The following PTTG1IP variants were observed in gnomAD, a reference collection of about 807,000 sequenced individuals.
The protein encoded by PTTG1IP is PTTG1 interacting protein.
Under a neutral mutation model 24.4 loss-of-function variants are expected in PTTG1IP, and 16 were observed. That is an observed-to-expected ratio of 0.66 (90% CI 0.44 to 1.00). The LOEUF is 1.00. Among genes scored for constraint, PTTG1IP ranks in the 50% least tolerant of loss-of-function variants. The pLI, the probability that PTTG1IP is intolerant of heterozygous loss-of-function variation, is 0.00. For missense variants in PTTG1IP, 241 were observed against 245.8 expected (o/e 0.98, Z 0.13); for synonymous variants, 89 against 96.8 (o/e 0.92, Z 0.47).
At chr21:44,855,132 A>C (rs235317) in intron 5 of PTTG1IP, 78 bp downstream of exon 5, 472,825 of 1,443,786 alleles carry the variant, frequency 0.33, 84,493 homozygotes, top group African/African-American at 0.68. Context: ...ATCTCAGGCC[A>C]CACTGGCACT....
At chr21:44,863,464 G>A (rs2083510530) in intron 2 of PTTG1IP, among the ~76,000 whole-genome samples, 1 of 152,228 alleles carries the variant, frequency 6.6e-6, no homozygotes, top group African/African-American at 2.4e-5. Flanking sequence ...TCACCGCCCT[G>A]TCTGGGTTCA....
chr21:44,861,584 C>G (rs1267422140), intron 2 of PTTG1IP: 13 of 637,224 alleles, frequency 2.0e-5, no homozygotes, highest in Non-Finnish European at 3.1e-5. Flanking sequence ...GCCAACCCCA[C>G]CTCATGCTCT....
Position 44,863,172 on chromosome 21 carries a change from G to A in PTTG1IP, c.169-1901C>T, listed in dbSNP as rs868019282. On this transcript the variant is annotated intron_variant, in intron 2 of 5. Coordinates refer to ENST00000330938, the MANE Select transcript of PTTG1IP (RefSeq NM_004339.4). ...CAGCAGCAGAGACACAGCCCACCACGGCCTCAGCAGCAGAGACACAGCCCA... is the reference window on the plus strand; with the variant it reads ...CAGCAGCAGAGACACAGCCCACCACAGCCTCAGCAGCAGAGACACAGCCCA... Among the ~76,000 whole-genome samples, 799 of 132,994 alleles carry A rather than the reference G, an allele frequency of 6.0e-3. 1 individual carries two copies. The highest frequency in any genetic ancestry group is 0.025 in the African/African-American group (741 of 30,038). The allele number at this position is 132,994 out of a possible 152,430, so 87.2% of individuals were successfully genotyped here.
chr21:44,862,298 T>C (rs1438045224), intron 2 of PTTG1IP, among the ~76,000 whole-genome samples: 3 of 152,182 alleles, frequency 2.0e-5, no homozygotes, highest in Non-Finnish European at 4.4e-5. Flanking sequence ...GGAGGGCGGA[T>C]CACCTGAGGT....
intron 5 of PTTG1IP, among the ~76,000 whole-genome samples, chr21:44,853,835 TAGGAAAA>T (rs1346388590): frequency 5.3e-5 from 8 of 151,770 alleles, no homozygotes; most frequent in African/African-American, 1.9e-4. Flanking sequence ...CGGGAACACA[TAGGAAAA>T]AGCCTCTATC....
At position 44,851,521 on chromosome 21, in the gene PTTG1IP, G is replaced by C; in HGVS notation, c.*60C>G. 6.2e-7 allele frequency: 1 copy of C among 1,613,988 alleles called. No homozygotes were observed. The highest frequency in any genetic ancestry group is 8.5e-7 in the Non-Finnish European group (1 of 1,179,912). On this transcript the variant is annotated 3_prime_UTR_variant, in exon 6 of 6. Coordinates refer to ENST00000330938, the MANE Select transcript of PTTG1IP (RefSeq NM_004339.4). ...GCAATGGCCACGTGGTCTCCCGGCT[G>C]GGCTGGGCTGCGGAGCGTGCACCTC...
Position 44,851,460 on chromosome 21 carries a change from A to G in PTTG1IP, c.*121T>C. 7 of 1,610,476 alleles carry G rather than the reference A, an allele frequency of 4.3e-6. No homozygotes were observed. The highest frequency in any genetic ancestry group is 5.9e-6 in the Non-Finnish European group (7 of 1,179,734). On this transcript the variant is annotated 3_prime_UTR_variant, in exon 6 of 6. Coordinates refer to ENST00000330938, the MANE Select transcript of PTTG1IP (RefSeq NM_004339.4). ...GCAGCTCTCCGGCCGCCTGTCCTGG[A>G]AGGCTGGCAGGTTCACTGGCCAAGG...
chr21:44,871,585 A>G (rs2083586138), intron 1 of PTTG1IP, among the ~76,000 whole-genome samples: 7 of 152,210 alleles, frequency 4.6e-5, no homozygotes, highest in Admixed American at 4.6e-4. Flanking sequence ...TATTCTCTAA[A>G]TTCACACAGT....
intron 4 of PTTG1IP, among the ~76,000 whole-genome samples, chr21:44,855,610 G>A (rs2838708): frequency 0.048 from 7,385 of 152,290 alleles, 594 homozygotes; most frequent in African/African-American, 0.17. Flanking sequence ...AGGAAAATGC[G>A]ATTGTCAGCT....
Position 44,863,281 on chromosome 21 carries a change from C to CGTGG in PTTG1IP, c.169-2011_169-2010insCCAC, listed in dbSNP as rs2083508843. 1.4e-4 allele frequency among the ~76,000 whole-genome samples: 14 copies of CGTGG among 98,334 alleles called. 6 individuals carry two copies. Among genetic ancestry groups the CGTGG allele is most frequent in the African/African-American group, 6.1e-4 (13 of 21,262 alleles). The allele number at this position is 98,334 out of a possible 152,430, so 64.5% of individuals were successfully genotyped here. A position where few individuals can be genotyped will look rare whatever the true frequency, so the allele number is the denominator to read the frequency against. On this transcript the variant is annotated intron_variant, in intron 2 of 5. Transcript: ENST00000330938. ...CGCCACGGCCTCGGCAACACAGAGA[C>CGTGG]ACACAGCCCGCCACGGCCTCAGGAG...
chr21:44,859,359 C>T (rs541865253), intron 3 of PTTG1IP, among the ~76,000 whole-genome samples: 4 of 151,968 alleles, frequency 2.6e-5, no homozygotes, highest in Admixed American at 6.5e-5. Flanking sequence ...AACCTGTATA[C>T]GTATGCAAAA....
rs150655622 is a variant in PTTG1IP, at chr21:44,870,060, G to A, written c.115+3442C>T. Among the ~76,000 whole-genome samples the A allele has an allele frequency of 4.3e-3, 648 of 152,278 alleles. 3 individuals carry two copies. The highest frequency in any genetic ancestry group is 6.8e-3 in the Middle Eastern group (2 of 294). On this transcript the variant is annotated intron_variant, in intron 1 of 5. Coordinates refer to ENST00000330938, the MANE Select transcript of PTTG1IP (RefSeq NM_004339.4). ...GGATTACCGGTCAGTCTGAGTCAGC[G>A]GAGAGGCATGAGAGGAAGAGGGAGA... is the stretch of plus-strand genomic sequence containing the variant.
chr21:44,864,983 T>C (rs2083523799), intron 2 of PTTG1IP, among the ~76,000 whole-genome samples: 1 of 152,210 alleles, frequency 6.6e-6, no homozygotes, highest in South Asian at 2.1e-4. Flanking sequence ...CTCTCTCTCC[T>C]TGCTGTGCCC....
chr21:44,858,092 G>T (rs1428885382), intron 3 of PTTG1IP, among the ~76,000 whole-genome samples: 1 of 152,140 alleles, frequency 6.6e-6, no homozygotes, highest in African/African-American at 2.4e-5. Context: ...GATTCCATAG[G>T]GTAAAACCCA....
In PTTG1IP at chr21:44,861,292, G is replaced by A. The variant is rs778474487; in HGVS notation, c.169-21C>T. The A allele has an allele frequency of 8.8e-6, 14 of 1,584,190 alleles. No individual in the cohort carries two copies. In the East Asian group the frequency reaches 2.0e-4, roughly 23 times the overall value. The stretch of plus-strand genomic sequence containing the variant: ...AGACACTGAAAGAGACCAACATTAA[G>A]CAAGCATTAGAAACAACAGAAAAAC... On this transcript the variant is annotated intron_variant, in intron 2 of 5. Coordinates refer to ENST00000330938, the MANE Select transcript of PTTG1IP (RefSeq NM_004339.4).
chr21:44,856,268 C>T lies in PTTG1IP; in HGVS notation c.374G>A (p.Arg125Lys), dbSNP rs934547595. Residue 125 changes from arginine to lysine, a missense_variant, in exon 4 of 6, where the codon AGG (arginine) becomes AAG (lysine). Physicochemically the swap from Arg to Lys is conservative, Grantham distance 26. Transcript: ENST00000330938. ...CTCACTCCTGTCCGGCTTCCGGCTC[C>T]TCTTCCTCCTGCAGCAGCAGCAGCA... ...ICCCCCCRRK[R>K]SRKPDRSEEK... 6.2e-7 allele frequency: 1 copy of T among 1,614,066 alleles called. No individual in the cohort carries two copies. Among genetic ancestry groups the T allele is most frequent in the African/African-American group, 1.3e-5 (1 of 74,942 alleles).
chr21:44,858,384 A>G (rs1290734712), intron 3 of PTTG1IP, among the ~76,000 whole-genome samples: 4 of 152,224 alleles, frequency 2.6e-5, no homozygotes, highest in Non-Finnish European at 4.4e-5. Flanking sequence ...GGGCCCGGCC[A>G]CAACTGCTCC....
At chr21:44,863,045 C>G (rs2083504382) in intron 2 of PTTG1IP, among the ~76,000 whole-genome samples, 1 of 152,036 alleles carries the variant, frequency 6.6e-6, no homozygotes, top group Non-Finnish European at 1.5e-5. Flanking sequence ...GCAAGCAGCT[C>G]AGGCAGCAGC....
intron 1 of PTTG1IP, among the ~76,000 whole-genome samples, chr21:44,870,135 G>C (rs761250013): frequency 6.6e-6 from 1 of 152,112 alleles, no homozygotes; most frequent in Non-Finnish European, 1.5e-5. Flanking sequence ...AGAACAGAGC[G>C]GGCTTTCAAT....
Sources: allele counts gnomAD v4.1 joint callset (sites outside exome capture counted in the v4.1 genomes callset), GRCh38; gene constraint gnomAD v4.1.1; transcripts MANE v1.5; gene names NCBI Gene and HGNC (gene_info 2026-07-23, HGNC 2026-07-21).